The following ZSWIM2 variants were observed in gnomAD, a reference collection of about 807,000 sequenced individuals.
ZSWIM2 encodes zinc finger SWIM-type containing 2.
In ZSWIM2, 38 loss-of-function variants were observed where a neutral mutation model predicts 48.4. The ratio of observed to expected loss-of-function variants is 0.79; its 90% confidence interval spans 0.61 to 1.03. The LOEUF (loss-of-function observed/expected upper bound fraction) is 1.03. Ranked by LOEUF, ZSWIM2 falls within the 50% of genes least tolerant of loss-of-function variation. The pLI is 0.00. For synonymous variants in ZSWIM2, 240 were observed against 251.3 expected (o/e 0.96, Z 0.42); for missense variants, 776 against 730.2 (o/e 1.06, Z -0.72).
intron 2 of ZSWIM2, among the ~76,000 whole-genome samples, chr2:186,846,810 C>CACACATATATATATATATAT (rs1265650832): frequency 7.0e-6 from 1 of 143,768 alleles, no homozygotes; most frequent in South Asian, 2.1e-4. Context: ...CACACACACA[C>CACACATATATATATATATAT]ATATATATAT....
rs768117604 is a variant in ZSWIM2 at position 186,828,244 on chromosome 2, A to T, written c.1642T>A (p.Cys548Ser). 1.2e-6 allele frequency: 2 copies of T among 1,613,648 alleles called. No individual in the cohort carries two copies. Among genetic ancestry groups the T allele is most frequent in the South Asian group, 2.2e-5 (2 of 91,066 alleles). ...TTTAGGTTGTGGTTATTACATTTAC[A>T]GCCTTTGGTCATCCGGCTTAGACTA... ...HTSLSRMTKG[C>S]KCNNHNLKKT... Residue 548 changes from cysteine (C) to serine (S), a missense_variant, in exon 9 of 9, where the codon TGT becomes AGT. Coordinates refer to ENST00000295131, the MANE Select transcript of ZSWIM2 (RefSeq NM_182521.3).
rs774357636 is a variant in ZSWIM2, at chr2:186,837,314, C to T, written c.735G>A (p.Lys245=). ...TTACGGATAACACTTACTTATAACA[C>T]TTCCCCTCAATTGGAAACTGTTTGC... is the stretch of plus-strand genomic sequence containing the variant. The part of the protein sequence containing the change: ...NNCKQFPIEG[K]CYKCTECIEY... The change falls in exon 5 of 9, where the codon AAG becomes AAA. Residue 245 remains lysine (K), a synonymous_variant. Coordinates refer to ENST00000295131, the MANE Select transcript of ZSWIM2 (RefSeq NM_182521.3). 3 of 1,612,652 alleles carry T rather than the reference C, an allele frequency of 1.9e-6. No homozygotes were observed. In the East Asian group the frequency reaches 6.7e-5, roughly 36 times the overall value.
intron 2 of ZSWIM2, among the ~76,000 whole-genome samples, chr2:186,847,199 G>T (rs1242432926): frequency 6.6e-6 from 1 of 151,930 alleles, no homozygotes; most frequent in Non-Finnish European, 1.5e-5. Flanking sequence ...AAAAATACAT[G>T]AAAATTTAAA....
Position 186,834,002 on chromosome 2 carries a change from A to G in ZSWIM2, c.772T>C (p.Cys258Arg), listed in dbSNP as rs901182876. Residue 258 changes from cysteine to arginine, a missense_variant, in exon 6 of 9, where the codon TGC becomes CGC. By Grantham distance (180) the Cys-to-Arg change is radical. Transcript: ENST00000295131. ...KCTECIEYHLCQECFDSCCHL... is the reference protein window; with the variant it reads ...KCTECIEYHLRQECFDSCCHL... ...CAGCAGCTATCAAAACATTCCTGGC[A>G]TAAGTGATATTCTATGCATTCGGTA... 4 of 1,613,012 alleles carry G rather than the reference A, an allele frequency of 2.5e-6. No individual in the cohort carries two copies. In the African/African-American group the frequency reaches 4.0e-5, roughly 16 times the overall value.
In ZSWIM2 at chr2:186,839,122, G is replaced by A. The variant is rs538177266; in HGVS notation, c.331C>T (p.Arg111Trp). 23 of 1,611,326 alleles carry A rather than the reference G, an allele frequency of 1.4e-5. No individual in the cohort carries two copies. The African/African-American group carries it at 1.7e-4, about 12-fold the overall frequency. The change falls in exon 4 of 9, where the codon CGG becomes TGG. Residue 111 changes from arginine to tryptophan, a missense_variant. Arg to Trp is a moderately radical substitution (Grantham distance 101). Transcript: ENST00000295131. ...LGEREISDLL[R>W]GIHRVQTPQP... ...GGAGTTTGAACTCGATGTATCCCCC[G>A]AAGCAAGTCACTTATCTCTCTTTCT...
At position 186,834,114 on chromosome 2, in the gene ZSWIM2, T is replaced by G. The variant is rs1330888757; in HGVS notation, c.744-84A>C. The G allele has an allele frequency of 5.2e-6, 5 of 969,326 alleles. No individual in the cohort carries two copies. The East Asian group carries it at 1.0e-4, about 20-fold the overall frequency. The allele number at this position is 969,326 out of a possible 1,614,324, so 60.0% of individuals were successfully genotyped here. A position where few individuals can be genotyped will look rare whatever the true frequency, so the allele number is the denominator to read the frequency against. On this transcript the variant is annotated intron_variant, in intron 5 of 8. Coordinates refer to ENST00000295131, the MANE Select transcript of ZSWIM2 (RefSeq NM_182521.3). ...TTGGGTGAAAAATTCTGACCAAAAC[T>G]TCCTGGGAACAATCCAAACATGACA...
At chr2:186,842,788 A>G (rs1307686377) in intron 3 of ZSWIM2, among the ~76,000 whole-genome samples, 1 of 151,596 alleles carries the variant, frequency 6.6e-6, no homozygotes, top group African/African-American at 2.4e-5. Flanking sequence ...AAATTTTGTT[A>G]AATTAAAAAT....
intron 2 of ZSWIM2, among the ~76,000 whole-genome samples, chr2:186,845,610 ATCTTT>A (rs1220527359): frequency 6.6e-6 from 1 of 151,460 alleles, no homozygotes; most frequent in African/African-American, 2.4e-5. Flanking sequence ...GTAAGTCATA[ATCTTT>A]TCTTAATTTC....
intron 3 of ZSWIM2, among the ~76,000 whole-genome samples, chr2:186,843,832 A>G (rs1395512996): frequency 1.3e-5 from 2 of 151,670 alleles, no homozygotes; most frequent in Non-Finnish European, 3.0e-5. Flanking sequence ...AAAAATATGT[A>G]GAGTGAAAAA....
In ZSWIM2 at chr2:186,837,386, T is replaced by C. The variant is rs1167897534; in HGVS notation, c.663A>G (p.Ala221=). 1.2e-6 allele frequency: 2 copies of C among 1,613,140 alleles called. No homozygotes were observed. Among genetic ancestry groups the C allele is most frequent in the Admixed American group, 1.7e-5 (1 of 59,894 alleles). The change falls in exon 5 of 9, where the codon GCA becomes GCG. Residue 221 remains alanine (A), a synonymous_variant. Coordinates refer to ENST00000295131, the MANE Select transcript of ZSWIM2 (RefSeq NM_182521.3). ...FKNSSKLVAA[A]EKERLDKHLG... ...GGTGTTTGTCCAGTCTCTCTTTTTCTGCTGCAGCTACTAGTTTGCTAGAGT... is the reference window on the plus strand; with the variant it reads ...GGTGTTTGTCCAGTCTCTCTTTTTCCGCTGCAGCTACTAGTTTGCTAGAGT...
At position 186,843,201 on chromosome 2, in the gene ZSWIM2, T is replaced by C. The variant is rs371092566; in HGVS notation, c.283+1516A>G. Reference sequence around the variant, plus strand: ...AGTATTGAAGCTTGTGAAAATGATATGGAAGAATAGTGTAGAGAATAAGAC... The same window carrying C: ...AGTATTGAAGCTTGTGAAAATGATACGGAAGAATAGTGTAGAGAATAAGAC... On this transcript the variant is annotated intron_variant, in intron 3 of 8. Coordinates refer to ENST00000295131, the MANE Select transcript of ZSWIM2 (RefSeq NM_182521.3). Among the ~76,000 whole-genome samples the C allele has an allele frequency of 2.9e-3, 447 of 151,746 alleles. 1 individual carries two copies. Among genetic ancestry groups the C allele is most frequent in the African/African-American group, 0.01 (428 of 41,504 alleles).
At chr2:186,828,834 T>C in intron 8 of ZSWIM2, 44 bp from the exon 9 acceptor site, 2 of 1,161,714 alleles carry the variant, frequency 1.7e-6, no homozygotes. Context: ...CCAATCTTGT[T>C]TATAATATTA....
intron 2 of ZSWIM2, among the ~76,000 whole-genome samples, chr2:186,847,371 G>T (rs1476910611): frequency 6.6e-6 from 1 of 152,044 alleles, no homozygotes; most frequent in Non-Finnish European, 1.5e-5. Flanking sequence ...ATTTGTGGAA[G>T]CACAGCAATA....
At chr2:186,843,101 C>A (rs1691934554) in intron 3 of ZSWIM2, among the ~76,000 whole-genome samples, 1 of 151,562 alleles carries the variant, frequency 6.6e-6, no homozygotes, top group Admixed American at 6.6e-5. Flanking sequence ...AGTTACTTCC[C>A]TGTTTCTTTT....
chr2:186,837,523 A>C lies in ZSWIM2; in HGVS notation c.526T>G (p.Cys176Gly). The C allele has an allele frequency of 6.2e-7, 1 of 1,611,118 alleles. No individual in the cohort carries two copies. The highest frequency in any genetic ancestry group is 1.1e-5 in the South Asian group (1 of 91,018). ...FGCGNSIHIKCMKILANYQST... is the reference protein window; with the variant it reads ...FGCGNSIHIKGMKILANYQST... ...TGATAATTAGCTAAGATCTTCATGC[A>C]TTTTATATGAATACTATTGCCACAG... is the stretch of plus-strand genomic sequence containing the variant. The change falls in exon 5 of 9, where the codon TGC becomes GGC. Residue 176 changes from cysteine to glycine, a missense_variant. Cys to Gly is a radical substitution (Grantham distance 159). Coordinates refer to ENST00000295131, the MANE Select transcript of ZSWIM2 (RefSeq NM_182521.3).
intron 2 of ZSWIM2, among the ~76,000 whole-genome samples, chr2:186,846,512 A>C (rs1020354403): frequency 1.3e-5 from 2 of 151,904 alleles, no homozygotes; most frequent in Non-Finnish European, 2.9e-5. Flanking sequence ...GAGAAAGGGG[A>C]ATGCTTATAT....
intron 7 of ZSWIM2, among the ~76,000 whole-genome samples, chr2:186,831,588 C>T (rs559632909): frequency 4.6e-5 from 7 of 151,806 alleles, no homozygotes; most frequent in East Asian, 1.9e-4. Flanking sequence ...ATGTTTATTG[C>T]GGCACTATTC....
chr2:186,828,787 G>A lies in ZSWIM2; in HGVS notation c.1099C>T (p.His367Tyr), dbSNP rs551595913. The A allele has an allele frequency of 5.3e-6, 8 of 1,508,958 alleles. No homozygotes were observed. In the African/African-American group the frequency reaches 6.2e-5, roughly 12 times the overall value. 93.5% of individuals were successfully genotyped at this position (1,508,958 alleles called of 1,614,324 possible). The change falls in exon 9 of 9, where the codon CAC becomes TAC. Residue 367 changes from histidine (H) to tyrosine (Y), a missense_variant. Transcript: ENST00000295131. The part of the protein sequence containing the change: ...TRLLPCTHKF[H>Y]RKCIDNWLFH... ...AACCAGTTGTCAATACACTTCCTGTGAAACTTTAAAAAAAAGGTAAGCTAA... is the reference window on the plus strand; with the variant it reads ...AACCAGTTGTCAATACACTTCCTGTAAAACTTTAAAAAAAAGGTAAGCTAA...
chr2:186,848,434 GTGGTCTTTCAGTAA>G (rs1692043946), intron 1 of ZSWIM2, among the ~76,000 whole-genome samples: 1 of 152,192 alleles, frequency 6.6e-6, no homozygotes, highest in Non-Finnish European at 1.5e-5. Flanking sequence ...TGAAATATCT[GTGGTCTTTCAGTAA>G]ACTTGAATTT....
Sources: gnomAD v4.1 joint callset for allele counts (sites outside exome capture counted in the v4.1 genomes callset) on GRCh38, gnomAD v4.1.1 for gene constraint, MANE v1.5 for transcripts, NCBI Gene and HGNC (gene_info 2026-07-23, HGNC 2026-07-21) for gene names.